Variants in ADGRA3 observed in about 807,000 individuals in gnomAD.
ADGRA3 encodes G-protein coupled receptor 125.
A neutral mutation model predicts 119.8 loss-of-function variants in ADGRA3; 56 were observed. That is an observed-to-expected ratio of 0.47 (90% CI 0.38 to 0.58). The LOEUF (loss-of-function observed/expected upper bound fraction) is 0.58, where lower values mean the gene tolerates loss of function less well. Among genes scored for constraint, ADGRA3 ranks in the 20% least tolerant of loss-of-function variants. ADGRA3 has a pLI of 0.00. For missense variants in ADGRA3, 1,516 were observed against 1,649.0 expected, an observed-to-expected ratio of 0.92 and a Z score of 1.40; for synonymous variants, 607 against 623.8, an observed-to-expected ratio of 0.97 and a Z score of 0.40.
chr4:22,451,612 A>T lies in ADGRA3; in HGVS notation c.473+3254T>A, dbSNP rs549195880. Among the ~76,000 whole-genome samples, 1,241 of 146,952 alleles carry T rather than the reference A, an allele frequency of 8.4e-3. 14 individuals are homozygous for T. The highest frequency in any genetic ancestry group is 0.03 in the African/African-American group (1,134 of 38,416). Reference sequence around the variant, plus strand: ...ACTTAAAGAAAGGGTTGTTTTTTCTAAAAAAAAAAAAAATTATTAAATTTC... The same window carrying T: ...ACTTAAAGAAAGGGTTGTTTTTTCTTAAAAAAAAAAAAATTATTAAATTTC... On this transcript the variant is annotated intron_variant, in intron 4 of 18. Coordinates refer to ENST00000334304, the MANE Select transcript of ADGRA3 (RefSeq NM_145290.4).
At chr4:22,484,975 C>T (rs1251674239) in intron 1 of ADGRA3, among the ~76,000 whole-genome samples, 1 of 152,070 alleles carries the variant, frequency 6.6e-6, no homozygotes, top group African/African-American at 2.4e-5. Flanking sequence ...TAATAACGTT[C>T]TGCTTTGAAT....
intron 1 of ADGRA3, among the ~76,000 whole-genome samples, chr4:22,493,618 G>T (rs1718705901): frequency 1.3e-5 from 2 of 152,126 alleles, no homozygotes; most frequent in Admixed American, 1.3e-4. Flanking sequence ...TAAAGCACTA[G>T]GACTTTTTAC....
intron 4 of ADGRA3, among the ~76,000 whole-genome samples, chr4:22,450,951 A>ATATATATAT (rs1553877239): frequency 1.2e-4 from 15 of 122,796 alleles, no homozygotes; most frequent in African/African-American, 4.6e-4. Flanking sequence ...AAAAAAAAAA[A>ATATATATAT]ATATATATAT....
intron 1 of ADGRA3, 26 bp downstream of exon 1, chr4:22,515,502 G>A (rs748125277): frequency 1.3e-6 from 2 of 1,599,166 alleles, no homozygotes; most frequent in South Asian, 1.1e-5. Context: ...AGCGGGAGAG[G>A]ACCCAGCGTC....
chr4:22,506,340 G>C (rs1025346121), intron 1 of ADGRA3, among the ~76,000 whole-genome samples: 6 of 152,106 alleles, frequency 3.9e-5, no homozygotes, highest in Non-Finnish European at 8.8e-5. Context: ...ATCACTTGAA[G>C]TCAGGAGTTC....
intron 12 of ADGRA3, among the ~76,000 whole-genome samples, chr4:22,418,171 TGTCA>T (rs1330230078): frequency 6.6e-6 from 1 of 152,172 alleles, no homozygotes; most frequent in African/African-American, 2.4e-5. Flanking sequence ...TGATAGATGC[TGTCA>T]GTAAGAGACA....
intron 6 of ADGRA3, 123 bp from the exon 7 acceptor site, chr4:22,442,986 A>C: frequency 2.6e-6 from 2 of 763,254 alleles, no homozygotes; most frequent in Non-Finnish European, 4.5e-6. Context: ...AATAATCAGC[A>C]TGCTACTGCT....
At chr4:22,476,807 T>A (rs1718060869) in intron 1 of ADGRA3, among the ~76,000 whole-genome samples, 1 of 149,884 alleles carries the variant, frequency 6.7e-6, no homozygotes, top group Non-Finnish European at 1.5e-5. Context: ...GCTGGGAGTA[T>A]AAGTGCCCAC....
chr4:22,412,860 CTCTT>C (rs1323145170), intron 14 of ADGRA3, among the ~76,000 whole-genome samples: 16 of 152,160 alleles, frequency 1.1e-4, no homozygotes, highest in Non-Finnish European at 1.2e-4. Flanking sequence ...AATGAAATCA[CTCTT>C]TCTGGGCAGA....
chr4:22,411,272 T>C (rs1238242273), intron 14 of ADGRA3, among the ~76,000 whole-genome samples: 2 of 152,234 alleles, frequency 1.3e-5, no homozygotes, highest in African/African-American at 4.8e-5. Flanking sequence ...ACTTTCAAAA[T>C]GGAAGAGAAA....
At position 22,445,056 on chromosome 4, in the gene ADGRA3, G is replaced by A. The variant is rs149598012; in HGVS notation, c.623C>T (p.Thr208Met). 324 of 1,613,784 alleles carry A rather than the reference G, an allele frequency of 2.0e-4. No individual in the cohort carries two copies. Among genetic ancestry groups the A allele is most frequent in the Non-Finnish European group, 2.6e-4 (304 of 1,179,820 alleles). The change falls in exon 6 of 19, where the codon ACG becomes ATG. Residue 208 changes from threonine (T) to methionine (M), a missense_variant. Physicochemically the swap from Thr to Met is moderately conservative, Grantham distance 81. Transcript: ENST00000334304. The stretch of plus-strand genomic sequence containing the variant: ...ATAAACACACCTGGTATCCCGTACC[G>A]TGATGTTCTTCTCCTTTACCCAGCG... ...MHRWVKEKNI[T>M]VRDTRCVYPK...
At chr4:22,507,511 C>A (rs914036392) in intron 1 of ADGRA3, among the ~76,000 whole-genome samples, 1 of 152,116 alleles carries the variant, frequency 6.6e-6, no homozygotes, top group African/African-American at 2.4e-5. Flanking sequence ...GTTTTTTAAA[C>A]CATCTTTACA....
chr4:22,444,852 T>C, intron 6 of ADGRA3, 121 bp downstream of exon 6: 3 of 929,426 alleles, frequency 3.2e-6, no homozygotes, highest in Non-Finnish European at 3.3e-6. Context: ...AAATCCATAA[T>C]GATTACTGGC....
At chr4:22,486,377 C>G (rs1169937513) in intron 1 of ADGRA3, among the ~76,000 whole-genome samples, 1 of 152,154 alleles carries the variant, frequency 6.6e-6, no homozygotes, top group East Asian at 1.9e-4. Flanking sequence ...GGCTTGGTTT[C>G]TAGCCCATCT....
At chr4:22,401,621 T>C (rs1306684132) in intron 15 of ADGRA3, 67 bp from the exon 16 acceptor site, 15 of 1,221,048 alleles carry the variant, frequency 1.2e-5, no homozygotes, top group African/African-American at 3.0e-5. Context: ...ATGATGTTCA[T>C]CTTAATTCCA....
Position 22,392,526 on chromosome 4 carries a change from C to A in ADGRA3, c.2627+19G>T. 6.2e-7 allele frequency: 1 copy of A among 1,610,428 alleles called. No homozygotes were observed. Reference sequence around the variant, plus strand: ...ATGAAAGCAAACAAAACAATTAATACAACAAAGATATGAGATACCTGAGCA... The same window carrying A: ...ATGAAAGCAAACAAAACAATTAATAAAACAAAGATATGAGATACCTGAGCA... On this transcript the variant is annotated intron_variant, in intron 17 of 18. Coordinates refer to ENST00000334304, the MANE Select transcript of ADGRA3 (RefSeq NM_145290.4).
chr4:22,507,430 GTCT>G (rs1400532068), intron 1 of ADGRA3, among the ~76,000 whole-genome samples: 1 of 152,120 alleles, frequency 6.6e-6, no homozygotes, highest in Non-Finnish European at 1.5e-5. Context: ...TCACTGAATA[GTCT>G]TCTAAGAAAC....
At chr4:22,468,360 G>C (rs750714704) in intron 2 of ADGRA3, among the ~76,000 whole-genome samples, 4 of 152,192 alleles carry the variant, frequency 2.6e-5, no homozygotes, top group Non-Finnish European at 5.9e-5. Flanking sequence ...CAAACACACT[G>C]ACCAGTAGGC....
intron 3 of ADGRA3, among the ~76,000 whole-genome samples, chr4:22,458,635 T>C (rs148535537): frequency 9.8e-5 from 15 of 152,318 alleles, no homozygotes; most frequent in African/African-American, 3.4e-4. Flanking sequence ...CTTATCATTT[T>C]GATTACGCTG....
Sources: allele counts gnomAD v4.1 joint callset (sites outside exome capture counted in the v4.1 genomes callset), GRCh38; gene constraint gnomAD v4.1.1; transcripts MANE v1.5; gene names NCBI Gene and HGNC (gene_info 2026-07-23, HGNC 2026-07-21).